The following B3GLCT variants were observed in gnomAD, a reference collection of about 807,000 sequenced individuals.
B3GLCT encodes the protein beta 3-glucosyltransferase.
B3GLCT carries 65 observed loss-of-function variants against 63.4 expected under a neutral mutation model. That is an observed-to-expected ratio of 1.03 (90% confidence interval 0.84 to 1.26). The LOEUF is 1.26. Ranked by LOEUF, B3GLCT falls within the 50% of genes most tolerant of loss-of-function variation. The pLI, the probability that B3GLCT is intolerant of heterozygous loss-of-function variation, is 0.00. For synonymous variants in B3GLCT, 233 were observed against 219.2 expected (o/e 1.06, Z -0.55); for missense variants, 577 against 604.8 (o/e 0.95, Z 0.48).
intron 1 of B3GLCT, among the ~76,000 whole-genome samples, chr13:31,211,314 T>G (rs1291856132): frequency 6.6e-6 from 1 of 152,144 alleles, no homozygotes; most frequent in African/African-American, 2.4e-5. Flanking sequence ...GAGAATCGCT[T>G]GAACCTGGGA....
At chr13:31,233,197 A>G (rs1034643194) in intron 4 of B3GLCT, among the ~76,000 whole-genome samples, 12 of 151,966 alleles carry the variant, frequency 7.9e-5, no homozygotes, top group African/African-American at 2.9e-4. Context: ...ATAATGGCCA[A>G]CCTCCCTCTT....
rs1479407453 is a variant in B3GLCT, at chr13:31,199,996, G to A, written c.-89G>A. 2.6e-6 allele frequency: 2 copies of A among 764,216 alleles called. No individual in the cohort carries two copies. Among genetic ancestry groups the A allele is most frequent in the Non-Finnish European group, 1.7e-6 (1 of 582,000 alleles). The allele number at this position is 764,216 out of a possible 1,614,324, so 47.3% of individuals were successfully genotyped here. On this transcript the variant is annotated 5_prime_UTR_variant, in exon 1 of 15. Transcript: ENST00000343307. Reference sequence around the variant, plus strand: ...CGGCAGAGAAGGGTCAGCCGCGGCGGCAGGGCGGCGGCGGCAGCGGCGCAG... The same window carrying A: ...CGGCAGAGAAGGGTCAGCCGCGGCGACAGGGCGGCGGCGGCAGCGGCGCAG...
chr13:31,255,643 A>G (rs941083421), intron 6 of B3GLCT, among the ~76,000 whole-genome samples: 32 of 152,348 alleles, frequency 2.1e-4, no homozygotes, highest in South Asian at 4.1e-4. Context: ...TTCAGAAGTA[A>G]CACCACACAT....
chr13:31,331,276 G>C lies in B3GLCT; in HGVS notation c.*1608G>C, dbSNP rs1256670278. ...TGGAGAGCCCTGGCTGCCTACACCA[G>C]TGGAAAAGAGTCTCCAGTTCTGCTC... On this transcript the variant is annotated 3_prime_UTR_variant, in exon 15 of 15. Transcript: ENST00000343307. The C allele has an allele frequency of 6.6e-6, 1 of 152,226 alleles. No homozygotes were observed. The highest frequency in any genetic ancestry group is 1.5e-5 in the Non-Finnish European group (1 of 68,062). The allele number at this position is 152,226 out of a possible 1,614,324, so 9.4% of individuals were successfully genotyped here.
At position 31,242,159 on chromosome 13, in the gene B3GLCT, G is replaced by C. The variant is rs191564013; in HGVS notation, c.271-4864G>C. On this transcript the variant is annotated intron_variant, in intron 4 of 14. Coordinates refer to ENST00000343307, the MANE Select transcript of B3GLCT (RefSeq NM_194318.4). ...TACCTCAGTTCTGAGGGGATCCAAA[G>C]CCTATTCTCTCTGCCTTGCTGCCTC... 4.2e-4 allele frequency among the ~76,000 whole-genome samples: 63 copies of C among 151,752 alleles called. 1 individual carries two copies. Among genetic ancestry groups the C allele is most frequent in the African/African-American group, 1.5e-3 (62 of 41,434 alleles).
chr13:31,217,219 T>C (rs1417275146), intron 2 of B3GLCT, among the ~76,000 whole-genome samples: 1 of 152,236 alleles, frequency 6.6e-6, no homozygotes, highest in Non-Finnish European at 1.5e-5. Flanking sequence ...ATTTTTTTCA[T>C]ATGCTTGTTG....
chr13:31,247,933 CT>C lies in B3GLCT; in HGVS notation c.428del (p.Leu143TrpfsTer26). The C allele has an allele frequency of 6.2e-7, 1 of 1,608,184 alleles. No individual in the cohort carries two copies. Among genetic ancestry groups the C allele is most frequent in the Non-Finnish European group, 8.5e-7 (1 of 1,174,846 alleles). Reference protein sequence around the residue: ...EETRIQIPKLLETLRRYDPSK... With the variant: ...EETRIQIPKLXETLRRYDPSK... ...AGACAAGAATACAGATTCCAAAACT[CT>C]TGGAAACCCTCAGAAGATATGACCC... On this transcript the variant is annotated frameshift_variant, in exon 6 of 15. Coordinates refer to ENST00000343307, the MANE Select transcript of B3GLCT (RefSeq NM_194318.4). LOFTEE classifies it high-confidence loss of function.
At position 31,247,980 on chromosome 13, in the gene B3GLCT, C is replaced by CA; in HGVS notation, c.459+16dup. 7.5e-7 allele frequency: 1 copy of CA among 1,339,688 alleles called. No individual in the cohort carries two copies. The highest frequency in any genetic ancestry group is 1.8e-4 in the Middle Eastern group (1 of 5,524). 83.0% of individuals were successfully genotyped at this position (1,339,688 alleles called of 1,614,324 possible). The stretch of plus-strand genomic sequence containing the variant: ...GACCCCTCTAAGGTGAATATAACTT[C>CA]AATACCAGTTCTTATTTTGGGGGAC... On this transcript the variant is annotated intron_variant, in intron 6 of 14. Coordinates refer to ENST00000343307, the MANE Select transcript of B3GLCT (RefSeq NM_194318.4).
intron 11 of B3GLCT, among the ~76,000 whole-genome samples, chr13:31,286,436 C>G (rs947472657): frequency 1.4e-4 from 21 of 152,316 alleles, no homozygotes; most frequent in African/African-American, 5.1e-4. Flanking sequence ...CTAATTCTAT[C>G]TCTGCCTCAG....
At position 31,204,512 on chromosome 13, in the gene B3GLCT, G is replaced by A. The variant is rs137929541; in HGVS notation, c.70+4358G>A. 2.2e-3 allele frequency among the ~76,000 whole-genome samples: 333 copies of A among 152,278 alleles called. 2 individuals are homozygous for A. The highest frequency in any genetic ancestry group is 7.6e-3 in the African/African-American group (317 of 41,556). ...GGTAAGTGGGTGGCAGAGCTTGGTGGTGAAGGAGCCAAGTGGAGAAAGGAC... is the reference window on the plus strand; with the variant it reads ...GGTAAGTGGGTGGCAGAGCTTGGTGATGAAGGAGCCAAGTGGAGAAAGGAC... On this transcript the variant is annotated intron_variant, in intron 1 of 14. Transcript: ENST00000343307.
chr13:31,286,781 A>C lies in B3GLCT; in HGVS notation c.1026A>C (p.Thr342=). 6.2e-7 allele frequency: 1 copy of C among 1,613,460 alleles called. No individual in the cohort carries two copies. The highest frequency in any genetic ancestry group is 8.5e-7 in the Non-Finnish European group (1 of 1,179,514). The change falls in exon 12 of 15, where the codon ACA becomes ACC. Residue 342 remains threonine (T), a synonymous_variant. Transcript: ENST00000343307. ...TTCTGAATCGTAGCCAGGACAAAAC[A>C]GCATGGTTAGTCATTGTGGATGATG... is the stretch of plus-strand genomic sequence containing the variant. The part of the protein sequence containing the change: ...ERFLNRSQDK[T]AWLVIVDDDT...
At chr13:31,298,670 C>G (rs1874075223) in intron 12 of B3GLCT, among the ~76,000 whole-genome samples, 1 of 152,230 alleles carries the variant, frequency 6.6e-6, no homozygotes, top group Non-Finnish European at 1.5e-5. Context: ...GAAGAGACAT[C>G]AGAATCACTA....
At position 31,221,010 on chromosome 13, in the gene B3GLCT, G is replaced by A. The variant is rs75582717; in HGVS notation, c.121-1942G>A. On this transcript the variant is annotated intron_variant, in intron 2 of 14. Transcript: ENST00000343307. ...GTATTTTTTAAAGCATGCTTCCCGAGGAAGGCTGGGCAGGCGTTATCATGG... is the reference window on the plus strand; with the variant it reads ...GTATTTTTTAAAGCATGCTTCCCGAAGAAGGCTGGGCAGGCGTTATCATGG... 2.0e-5 allele frequency among the ~76,000 whole-genome samples: 3 copies of A among 152,276 alleles called. No individual in the cohort carries two copies. In the East Asian group the frequency reaches 5.8e-4, roughly 29 times the overall value.
chr13:31,216,611 T>C (rs1340835995), intron 2 of B3GLCT, among the ~76,000 whole-genome samples: 1 of 152,190 alleles, frequency 6.6e-6, no homozygotes, highest in Middle Eastern at 3.2e-3. Context: ...CACCCGCCAC[T>C]CTCAAATAGA....
At chr13:31,257,598 G>A (rs1871807108) in intron 6 of B3GLCT, among the ~76,000 whole-genome samples, 1 of 151,866 alleles carries the variant, frequency 6.6e-6, no homozygotes, top group Admixed American at 6.6e-5. Context: ...GGAAAAGTAG[G>A]ACTGTGGGAG....
intron 13 of B3GLCT, among the ~76,000 whole-genome samples, chr13:31,318,492 C>G (rs1011003322): frequency 2.6e-5 from 4 of 152,042 alleles, no homozygotes; most frequent in Non-Finnish European, 1.5e-5. Context: ...TTTTGTTTAG[C>G]CAATACAGTG....
intron 1 of B3GLCT, among the ~76,000 whole-genome samples, chr13:31,204,509 G>C (rs1593241819): frequency 6.6e-6 from 1 of 152,146 alleles, no homozygotes; most frequent in East Asian, 1.9e-4. Context: ...GCAGAGCTTG[G>C]TGGTGAAGGA....
intron 6 of B3GLCT, among the ~76,000 whole-genome samples, chr13:31,253,113 C>T (rs1871517794): frequency 6.6e-6 from 1 of 152,158 alleles, no homozygotes; most frequent in African/African-American, 2.4e-5. Context: ...TGAATGACTA[C>T]TGGGTAAATA....
chr13:31,249,846 A>G (rs1235535726), intron 6 of B3GLCT, among the ~76,000 whole-genome samples: 1 of 152,236 alleles, frequency 6.6e-6, no homozygotes, highest in Non-Finnish European at 1.5e-5. Context: ...TTTGAAGGGA[A>G]AAAAGTATAA....
Sources: gnomAD v4.1 joint callset for allele counts (sites outside exome capture counted in the v4.1 genomes callset) on GRCh38, gnomAD v4.1.1 for gene constraint, MANE v1.5 for transcripts, NCBI Gene and HGNC (gene_info 2026-07-23, HGNC 2026-07-21) for gene names.